ZYG11B: variants seen among roughly 807,000 people sequenced by gnomAD.
ZYG11B encodes protein zyg-11 homolog B.
ZYG11B carries 36 observed loss-of-function variants against 82.4 expected under a neutral mutation model. The observed-to-expected ratio is 0.44, with a 90% CI of 0.33 to 0.58. The LOEUF is 0.58. Among genes scored for constraint, ZYG11B ranks in the 20% least tolerant of loss-of-function variants. ZYG11B has a pLI of 0.02. For synonymous variants in ZYG11B, 303 were observed against 312.8 expected, an observed-to-expected ratio of 0.97 and a Z score of 0.33; for missense variants, 552 against 895.6, an observed-to-expected ratio of 0.62 and a Z score of 4.90.
chr1:52,731,945 A>G lies in ZYG11B; in HGVS notation c.30+5262A>G, dbSNP rs191601115. ...ATCCAACTCAAGCAGCTGGGACTAC[A>G]GGCGTGCAGTACCACGCCAGGCTAA... On this transcript the variant is annotated intron_variant, in intron 1 of 13. Transcript: ENST00000294353. 3.4e-3 allele frequency among the ~76,000 whole-genome samples: 515 copies of G among 152,248 alleles called. 4 individuals are homozygous for G. The highest frequency in any genetic ancestry group is 0.012 in the African/African-American group (492 of 41,550).
intron 3 of ZYG11B, among the ~76,000 whole-genome samples, chr1:52,778,565 G>A (rs926714183): frequency 6.6e-5 from 10 of 152,178 alleles, no homozygotes; most frequent in Non-Finnish European, 1.2e-4. Flanking sequence ...TACGTTATGA[G>A]GTACATAAAT....
At chr1:52,731,617 GA>G (rs1399950662) in intron 1 of ZYG11B, among the ~76,000 whole-genome samples, 2 of 151,796 alleles carry the variant, frequency 1.3e-5, no homozygotes, top group African/African-American at 4.8e-5. Context: ...TTACAGAAGT[GA>G]AAAAAAGACA....
At position 52,824,002 on chromosome 1, in the gene ZYG11B, T is replaced by C. The variant is rs1645305310; in HGVS notation, c.*2373T>C. 1 of 152,072 alleles carries C rather than the reference T, an allele frequency of 6.6e-6. No homozygotes were observed. The highest frequency in any genetic ancestry group is 2.4e-5 in the African/African-American group (1 of 41,402). The allele number at this position is 152,072 out of a possible 1,614,324, so 9.4% of individuals were successfully genotyped here. Reference sequence around the variant, plus strand: ...AAAAACTAGCTGGGCATGGTGGCTTTTTTGCACGCCTATAGTCCCAGCTAC... The same window carrying C: ...AAAAACTAGCTGGGCATGGTGGCTTCTTTGCACGCCTATAGTCCCAGCTAC... On this transcript the variant is annotated 3_prime_UTR_variant, in exon 14 of 14. Coordinates refer to ENST00000294353, the MANE Select transcript of ZYG11B (RefSeq NM_024646.3).
intron 13 of ZYG11B, 84 bp downstream of exon 13, chr1:52,816,713 T>C: frequency 1.9e-6 from 2 of 1,039,290 alleles, no homozygotes; most frequent in South Asian, 2.8e-5. Flanking sequence ...AAATTGTGTA[T>C]TAAAGTGATT....
chr1:52,738,854 C>T (rs1644399289), intron 1 of ZYG11B, among the ~76,000 whole-genome samples: 2 of 151,790 alleles, frequency 1.3e-5, no homozygotes, highest in Non-Finnish European at 2.9e-5. Context: ...AGGTGATCCG[C>T]CCACCTTGGC....
chr1:52,784,415 T>C (rs1644895727), intron 4 of ZYG11B, among the ~76,000 whole-genome samples: 1 of 152,186 alleles, frequency 6.6e-6, no homozygotes, highest in Admixed American at 6.5e-5. Context: ...AAGGATTCGT[T>C]GGGGGTTTGA....
At chr1:52,812,179 T>G (rs7530908) in intron 10 of ZYG11B, among the ~76,000 whole-genome samples, 5,705 of 152,214 alleles carry the variant, frequency 0.037, 335 homozygotes, top group African/African-American at 0.13. Context: ...GTCCATTTCT[T>G]TGGATTGATT....
chr1:52,742,557 A>C (rs958529154), intron 1 of ZYG11B, among the ~76,000 whole-genome samples: 5 of 152,118 alleles, frequency 3.3e-5, no homozygotes, highest in Non-Finnish European at 5.9e-5. Context: ...AGAGTCAAAA[A>C]GTAGGCCAGG....
chr1:52,761,414 A>G, intron 2 of ZYG11B, among the ~76,000 whole-genome samples: 1 of 152,154 alleles, frequency 6.6e-6, no homozygotes, highest in East Asian at 1.9e-4. Context: ...TTTAGCTTTC[A>G]CATATGAGTG....
At chr1:52,817,680 G>A (rs966791564) in intron 13 of ZYG11B, among the ~76,000 whole-genome samples, 1 of 144,522 alleles carries the variant, frequency 6.9e-6, no homozygotes. Flanking sequence ...GCCATCAAGC[G>A]TGGCCTAATT....
At chr1:52,800,800 A>T (rs559070306) in intron 8 of ZYG11B, among the ~76,000 whole-genome samples, 1 of 151,844 alleles carries the variant, frequency 6.6e-6, no homozygotes, top group African/African-American at 2.4e-5. Flanking sequence ...AAACAGCAAG[A>T]CTCTGTCCCA....
intron 1 of ZYG11B, among the ~76,000 whole-genome samples, chr1:52,736,069 C>T (rs1644376428): frequency 6.6e-6 from 1 of 152,060 alleles, no homozygotes; most frequent in Non-Finnish European, 1.5e-5. Flanking sequence ...TTGTGAACTC[C>T]TTAAGATCCT....
chr1:52,727,482 G>C (rs1229203988), intron 1 of ZYG11B, among the ~76,000 whole-genome samples: 8 of 152,172 alleles, frequency 5.3e-5, no homozygotes, highest in Admixed American at 2.0e-4. Flanking sequence ...GACAGAAATA[G>C]CTAAAAAATG....
chr1:52,804,952 G>A (rs779744522), intron 10 of ZYG11B, among the ~76,000 whole-genome samples: 4 of 151,734 alleles, frequency 2.6e-5, no homozygotes, highest in Non-Finnish European at 5.9e-5. Context: ...TTAGCCGGGC[G>A]TGGTGGCGCA....
intron 2 of ZYG11B, among the ~76,000 whole-genome samples, chr1:52,758,649 A>G (rs1644600412): frequency 6.6e-6 from 1 of 152,148 alleles, no homozygotes; most frequent in African/African-American, 2.4e-5. Context: ...TATAAGTGCC[A>G]ATAATGTGTT....
intron 1 of ZYG11B, 145 bp downstream of exon 1, chr1:52,726,828 C>A: frequency 1.3e-6 from 1 of 762,888 alleles, no homozygotes; most frequent in Non-Finnish European, 1.9e-6. Context: ...TTACCGCCCC[C>A]TCGGTGTTCA....
At chr1:52,739,378 G>T (rs1245297056) in intron 1 of ZYG11B, among the ~76,000 whole-genome samples, 1 of 152,112 alleles carries the variant, frequency 6.6e-6, no homozygotes, top group Non-Finnish European at 1.5e-5. Context: ...TTAATCCTCT[G>T]TGTGATTCCT....
At chr1:52,772,085 A>T in intron 3 of ZYG11B, 1 of 785,062 alleles carries the variant, frequency 1.3e-6, no homozygotes, top group Non-Finnish European at 2.2e-6. Flanking sequence ...TTGTCTTATG[A>T]TGATAATGTT....
At chr1:52,796,060 A>G (rs71654974) in intron 6 of ZYG11B, among the ~76,000 whole-genome samples, 3,029 of 152,320 alleles carry the variant, frequency 0.02, 38 homozygotes, top group Non-Finnish European at 0.032. Context: ...TGAAATGCCA[A>G]ATAGTTGGAA....
Sources: allele counts gnomAD v4.1 joint callset (sites outside exome capture counted in the v4.1 genomes callset), GRCh38; gene constraint gnomAD v4.1.1; transcripts MANE v1.5; gene names NCBI Gene and HGNC (gene_info 2026-07-23, HGNC 2026-07-21).